Variants in PLPPR1 observed in about 807,000 individuals in gnomAD.
The protein encoded by PLPPR1 is phospholipid phosphatase related 1.
PLPPR1 carries 10 observed loss-of-function variants against 33.1 expected under a neutral mutation model. That is an observed-to-expected ratio of 0.30 (90% CI 0.19 to 0.51). The LOEUF is 0.51. Ranked by LOEUF, PLPPR1 falls within the 20% of genes least tolerant of loss-of-function variation. PLPPR1 has a pLI of 0.97. For missense variants in PLPPR1, 304 were observed against 408.1 expected, an observed-to-expected ratio of 0.74 and a Z score of 2.20; for synonymous variants, 151 against 151.0, an observed-to-expected ratio of 1.00 and a Z score of 0.00.
At chr9:101,094,723 T>A (rs906626027) in intron 1 of PLPPR1, among the ~76,000 whole-genome samples, 1 of 152,200 alleles carries the variant, frequency 6.6e-6, no homozygotes, top group African/African-American at 2.4e-5. Context: ...AAAGAATGAA[T>A]GCATACAGCC....
intron 1 of PLPPR1, among the ~76,000 whole-genome samples, chr9:101,150,807 T>G (rs1831573797): frequency 1.3e-5 from 2 of 152,154 alleles, no homozygotes; most frequent in Non-Finnish European, 2.9e-5. Flanking sequence ...GGATATGACC[T>G]GCTTCTTTAT....
At chr9:101,074,034 C>T (rs190078262) in intron 1 of PLPPR1, among the ~76,000 whole-genome samples, 85 of 152,186 alleles carry the variant, frequency 5.6e-4, no homozygotes, top group Middle Eastern at 3.4e-3. Context: ...GCCAGGAAAG[C>T]GCATGAAACA....
At chr9:101,195,549 G>A (rs1826379169) in intron 2 of PLPPR1, among the ~76,000 whole-genome samples, 1 of 152,190 alleles carries the variant, frequency 6.6e-6, no homozygotes, top group East Asian at 1.9e-4. Context: ...CAAGTGGTAG[G>A]AGGCTGAAGA....
intron 2 of PLPPR1, among the ~76,000 whole-genome samples, chr9:101,210,573 T>C (rs1328022057): frequency 6.6e-6 from 1 of 152,326 alleles, no homozygotes; most frequent in Admixed American, 6.5e-5. Context: ...TTGCGTCATA[T>C]GAATATGATG....
chr9:101,323,264 G>A (rs1588126833), intron 7 of PLPPR1, among the ~76,000 whole-genome samples: 1 of 152,262 alleles, frequency 6.6e-6, no homozygotes, highest in East Asian at 1.9e-4. Flanking sequence ...GAAGGCCAAG[G>A]TGGGAGGGTC....
chr9:101,259,067 T>C (rs1827851248), intron 2 of PLPPR1, among the ~76,000 whole-genome samples: 1 of 152,208 alleles, frequency 6.6e-6, no homozygotes, highest in Non-Finnish European at 1.5e-5. Context: ...GATGTAGTTG[T>C]AAATCTACTT....
intron 1 of PLPPR1, among the ~76,000 whole-genome samples, chr9:101,130,016 T>A (rs1239110783): frequency 6.6e-6 from 1 of 152,126 alleles, no homozygotes; most frequent in Non-Finnish European, 1.5e-5. Flanking sequence ...TGCCTGGGGA[T>A]GAGAAAACAG....
chr9:101,306,631 C>A (rs1339061130), intron 4 of PLPPR1, among the ~76,000 whole-genome samples: 1 of 152,218 alleles, frequency 6.6e-6, no homozygotes. Context: ...TTGGCTTTGG[C>A]TTCTCTGAAG....
intron 1 of PLPPR1, among the ~76,000 whole-genome samples, chr9:101,150,563 T>A (rs1006970242): frequency 6.6e-6 from 1 of 152,218 alleles, no homozygotes; most frequent in Non-Finnish European, 1.5e-5. Flanking sequence ...GTTATTTATT[T>A]TAATCTTAGG....
rs1828914523 is a variant in PLPPR1 at position 101,309,343 on chromosome 9, A to G, written c.518A>G (p.His173Arg). 6.2e-7 allele frequency: 1 copy of G among 1,614,048 alleles called. No homozygotes were observed. Among genetic ancestry groups the G allele is most frequent in the African/African-American group, 1.3e-5 (1 of 74,922 alleles). The change falls in exon 5 of 8, where the codon CAC becomes CGC. Residue 173 changes from histidine to arginine, a missense_variant. His to Arg is a conservative substitution (Grantham distance 29). Coordinates refer to ENST00000374874, the MANE Select transcript of PLPPR1 (RefSeq NM_207299.2). ...ACCAGTGCAGACTGCCAAGCGCACC[A>G]CCAGTTTATAAACAATGGGAACATT... ...NYTSADCQAHHQFINNGNICT... is the reference protein window; with the variant it reads ...NYTSADCQAHRQFINNGNICT...
chr9:101,272,258 C>T (rs1828115361), intron 3 of PLPPR1, among the ~76,000 whole-genome samples: 1 of 152,034 alleles, frequency 6.6e-6, no homozygotes, highest in Non-Finnish European at 1.5e-5. Flanking sequence ...AAAAATAGTA[C>T]TCAGGACACA....
intron 1 of PLPPR1, among the ~76,000 whole-genome samples, chr9:101,157,394 C>T (rs928569636): frequency 6.6e-6 from 1 of 152,136 alleles, no homozygotes; most frequent in East Asian, 1.9e-4. Flanking sequence ...GAACTGTAGA[C>T]ATCTATAAAC....
At chr9:101,222,625 A>G (rs1826969107) in intron 2 of PLPPR1, among the ~76,000 whole-genome samples, 3 of 152,216 alleles carry the variant, frequency 2.0e-5, no homozygotes, top group Admixed American at 2.0e-4. Flanking sequence ...GGAAGTACAT[A>G]TCTGCCTCTG....
chr9:101,301,179 TA>T (rs1828745111), intron 4 of PLPPR1, among the ~76,000 whole-genome samples: 4 of 152,334 alleles, frequency 2.6e-5, no homozygotes, highest in South Asian at 4.1e-4. Context: ...AAATACAGGG[TA>T]TTTTTTTCTA....
chr9:101,169,184 G>T (rs1825903239), intron 1 of PLPPR1, among the ~76,000 whole-genome samples: 1 of 152,112 alleles, frequency 6.6e-6, no homozygotes, highest in Non-Finnish European at 1.5e-5. Context: ...GGGTGTGTGT[G>T]TCTGTGTGTC....
intron 2 of PLPPR1, among the ~76,000 whole-genome samples, chr9:101,245,667 T>C (rs1827579079): frequency 6.6e-6 from 1 of 152,108 alleles, no homozygotes; most frequent in South Asian, 2.1e-4. Flanking sequence ...TCTGTATTCT[T>C]ACCCAGGTTC....
At chr9:101,284,432 T>G (rs1828354250) in intron 3 of PLPPR1, among the ~76,000 whole-genome samples, 1 of 152,160 alleles carries the variant, frequency 6.6e-6, no homozygotes, top group Non-Finnish European at 1.5e-5. Flanking sequence ...AGGAATAAGT[T>G]CAAGAGATCT....
At chr9:101,304,875 C>T (rs10989469) in intron 4 of PLPPR1, among the ~76,000 whole-genome samples, 61,517 of 151,994 alleles carry the variant, frequency 0.4, 13,270 homozygotes, top group African/African-American at 0.56. Context: ...GCAGCAGCCA[C>T]GCTCTCCAGA....
intron 1 of PLPPR1, among the ~76,000 whole-genome samples, chr9:101,092,928 GAC>G (rs1830765291): frequency 6.6e-6 from 1 of 152,130 alleles, no homozygotes; most frequent in African/African-American, 2.4e-5. Context: ...TCTTTGTGAA[GAC>G]ACAGTGAGAA....
Sources: allele counts gnomAD v4.1 joint callset (sites outside exome capture counted in the v4.1 genomes callset), GRCh38; gene constraint gnomAD v4.1.1; transcripts MANE v1.5; gene names NCBI Gene and HGNC (gene_info 2026-07-23, HGNC 2026-07-21).